CSMD1: variants seen among roughly 807,000 people sequenced by gnomAD.
CSMD1 encodes the protein CUB and Sushi multiple domains 1, also known as CUB and sushi domain-containing protein 1.
CSMD1 carries 213 observed loss-of-function variants against 417.5 expected under a neutral mutation model. The observed-to-expected ratio is 0.51, with a 90% CI of 0.46 to 0.57. The LOEUF is 0.57. Ranked by LOEUF, CSMD1 falls within the 20% of genes least tolerant of loss-of-function variation. CSMD1 has a pLI of 0.00. For missense variants in CSMD1, 6,923 were observed against 4,529.7 expected (o/e 1.53, Z -15.17); for synonymous variants, 2,862 against 1,736.8 (o/e 1.65, Z -16.11).
At chr8:3,680,403 T>A (rs10113198) in intron 7 of CSMD1, among the ~76,000 whole-genome samples, 22,420 of 151,986 alleles carry the variant, frequency 0.15, 1,843 homozygotes, top group South Asian at 0.21. Context: ...AGAATACTAT[T>A]AACACCTCTA....
intron 1 of CSMD1, among the ~76,000 whole-genome samples, chr8:4,765,714 G>T (rs1404009773): frequency 6.6e-6 from 1 of 152,170 alleles, no homozygotes; most frequent in Non-Finnish European, 1.5e-5. Flanking sequence ...GTGCCCAATT[G>T]GGCAGGCATC....
At chr8:2,948,116 A>C (rs982900777) in intron 68 of CSMD1, among the ~76,000 whole-genome samples, 2 of 152,118 alleles carry the variant, frequency 1.3e-5, no homozygotes, top group Non-Finnish European at 2.9e-5. Flanking sequence ...TACTGTGTGA[A>C]TAGTATTCTA....
chr8:4,751,311 G>A (rs1305667482), intron 1 of CSMD1, among the ~76,000 whole-genome samples: 1 of 152,088 alleles, frequency 6.6e-6, no homozygotes, highest in Non-Finnish European at 1.5e-5. Flanking sequence ...CTTGAACCCA[G>A]GAAGTGGAGG....
chr8:4,067,695 T>A (rs1008411992), intron 3 of CSMD1, among the ~76,000 whole-genome samples: 2 of 152,198 alleles, frequency 1.3e-5, no homozygotes, highest in Non-Finnish European at 2.9e-5. Flanking sequence ...TGTGGAATAT[T>A]AAACTTTCCA....
chr8:4,032,134 GT>G, intron 3 of CSMD1, 35 bp from the exon 4 acceptor site: 2 of 1,536,438 alleles, frequency 1.3e-6, no homozygotes, highest in East Asian at 4.6e-5. Flanking sequence ...GAAAAAACAA[GT>G]TAAATTTTCC....
rs1811091450 is a variant in CSMD1, at chr8:3,387,642, G to A, written c.2634C>T (p.Ile878=). Residue 878 remains isoleucine, a synonymous_variant, in exon 18 of 70, where the codon ATC becomes ATT. Transcript: ENST00000635120. ...LESDSCLDPG[I]PVNGHRHGGD... ...CACCGTGGCGATGGCCGTTCACAGG[G>A]ATGCCCGGGTCCAGGCAGGAATCCG... 2 of 1,600,838 alleles carry A rather than the reference G, an allele frequency of 1.2e-6. No homozygotes were observed. Among genetic ancestry groups the A allele is most frequent in the African/African-American group, 1.3e-5 (1 of 74,680 alleles).
intron 54 of CSMD1, among the ~76,000 whole-genome samples, chr8:2,982,224 C>G (rs1285299124): frequency 1.3e-5 from 2 of 152,068 alleles, no homozygotes; most frequent in African/African-American, 4.8e-5. Flanking sequence ...GGCATGGTGG[C>G]AGGGGCCTGT....
chr8:3,351,070 C>G (rs932051087), intron 21 of CSMD1, among the ~76,000 whole-genome samples: 1 of 152,170 alleles, frequency 6.6e-6, no homozygotes, highest in Admixed American at 6.5e-5. Flanking sequence ...CAGCTTGAAA[C>G]TAAAGTCTTC....
chr8:3,045,238 CAA>C (rs1343544052), intron 50 of CSMD1, among the ~76,000 whole-genome samples: 1 of 152,138 alleles, frequency 6.6e-6, no homozygotes, highest in Non-Finnish European at 1.5e-5. Flanking sequence ...TAGTTGGTAT[CAA>C]AAGAGTACTC....
intron 2 of CSMD1, among the ~76,000 whole-genome samples, chr8:4,559,710 G>A (rs1798243961): frequency 6.6e-6 from 1 of 152,230 alleles, no homozygotes; most frequent in African/African-American, 2.4e-5. Context: ...CAAAGATGCT[G>A]CGTAGCAGCT....
At chr8:4,991,537 G>A (rs1290607776) in intron 1 of CSMD1, among the ~76,000 whole-genome samples, 2 of 152,164 alleles carry the variant, frequency 1.3e-5, no homozygotes, top group African/African-American at 4.8e-5. Flanking sequence ...CACAGCGGGA[G>A]CCGCCACCCG....
At chr8:4,760,191 G>A (rs998391192) in intron 1 of CSMD1, among the ~76,000 whole-genome samples, 6 of 152,246 alleles carry the variant, frequency 3.9e-5, no homozygotes, top group South Asian at 4.1e-4. Flanking sequence ...ACCACAAAGT[G>A]CATTCTAATA....
intron 3 of CSMD1, among the ~76,000 whole-genome samples, chr8:4,415,777 A>T (rs1413092242): frequency 6.6e-6 from 1 of 152,230 alleles, no homozygotes; most frequent in Non-Finnish European, 1.5e-5. Context: ...ATGGATAGCA[A>T]TGTGTATGAG....
intron 3 of CSMD1, among the ~76,000 whole-genome samples, chr8:4,264,553 G>A (rs1012645874): frequency 6.6e-6 from 1 of 152,082 alleles, no homozygotes; most frequent in Non-Finnish European, 1.5e-5. Context: ...CTGTTTTTAA[G>A]GGTTAGCAAG....
At chr8:4,151,103 C>G (rs533027509) in intron 3 of CSMD1, among the ~76,000 whole-genome samples, 1 of 152,132 alleles carries the variant, frequency 6.6e-6, no homozygotes, top group Non-Finnish European at 1.5e-5. Flanking sequence ...GCATCCTTCT[C>G]CCAGCAGAAG....
intron 3 of CSMD1, among the ~76,000 whole-genome samples, chr8:4,243,446 T>G (rs1802520079): frequency 6.6e-6 from 1 of 152,132 alleles, no homozygotes; most frequent in Admixed American, 6.5e-5. Context: ...TAACTGACAC[T>G]CTTCCCAGAT....
At chr8:3,890,430 C>A (rs541666788) in intron 5 of CSMD1, among the ~76,000 whole-genome samples, 30 of 151,636 alleles carry the variant, frequency 2.0e-4, no homozygotes, top group Admixed American at 1.9e-3. Context: ...TGAACAAGCT[C>A]GCAGTGTCTT....
chr8:4,009,845 T>G (rs189609032), intron 4 of CSMD1, among the ~76,000 whole-genome samples: 52 of 152,204 alleles, frequency 3.4e-4, no homozygotes, highest in Middle Eastern at 3.4e-3. Context: ...ACTTACTTCA[T>G]GCCTGAGGCC....
At chr8:3,949,962 A>G (rs1210315755) in intron 5 of CSMD1, 2 of 455,954 alleles carry the variant, frequency 4.4e-6, no homozygotes, top group South Asian at 3.1e-5. Flanking sequence ...ATGCCAGCAG[A>G]GCGACGTGTC....
Sources: gnomAD v4.1 joint callset for allele counts (sites outside exome capture counted in the v4.1 genomes callset) on GRCh38, gnomAD v4.1.1 for gene constraint, MANE v1.5 for transcripts, NCBI Gene and HGNC (gene_info 2026-07-23, HGNC 2026-07-21) for gene names.